ERI1: variants seen among roughly 807,000 people sequenced by gnomAD.
The protein encoded by ERI1 is exoribonuclease 1, also known as 3'-5' exoribonuclease 1.
A neutral mutation model predicts 39.7 loss-of-function variants in ERI1; 39 were observed. The ratio of observed to expected loss-of-function variants is 0.98; its 90% CI spans 0.76 to 1.28. ERI1 has a LOEUF of 1.28. ERI1 is among the 50% of genes most tolerant of loss of function. The probability of loss-of-function intolerance (pLI) is 0.00; values close to 1 mark genes in which losing one functional copy is unlikely to be tolerated. For missense variants in ERI1, 581 were observed against 416.9 expected (o/e 1.39, Z -3.43); for synonymous variants, 204 against 149.6 (o/e 1.36, Z -2.65).
intron 3 of ERI1, among the ~76,000 whole-genome samples, chr8:9,083,586 C>T (rs1297317969): frequency 6.6e-6 from 1 of 151,294 alleles, no homozygotes; most frequent in Non-Finnish European, 1.5e-5. Context: ...CTCACTTTGG[C>T]AGCACATATA....
At chr8:9,088,362 G>C (rs1290252400) in intron 3 of ERI1, 1 of 151,950 alleles carries the variant, frequency 6.6e-6, no homozygotes, top group Non-Finnish European at 1.5e-5. Context: ...GTTAAACATT[G>C]AACTATTTAA....
chr8:9,069,724 A>G (rs916118289), intron 3 of ERI1, among the ~76,000 whole-genome samples: 3 of 152,206 alleles, frequency 2.0e-5, no homozygotes, highest in Non-Finnish European at 4.4e-5. Context: ...AATCTGGAAT[A>G]AAAGTTGAAA....
At chr8:9,064,513 T>A (rs530161606) in intron 3 of ERI1, among the ~76,000 whole-genome samples, 1 of 151,546 alleles carries the variant, frequency 6.6e-6, no homozygotes, top group East Asian at 1.9e-4. Flanking sequence ...GTCTCCTTTG[T>A]CTCTACCAGA....
At chr8:9,090,078 C>T (rs761616057) in intron 3 of ERI1, among the ~76,000 whole-genome samples, 5 of 152,144 alleles carry the variant, frequency 3.3e-5, no homozygotes, top group African/African-American at 9.7e-5. Context: ...TGCACGTGTG[C>T]GGATGTGCAA....
Position 9,026,963 on chromosome 8 carries a change from C to T in ERI1, c.808-2829C>T, listed in dbSNP as rs976729219. 2.0e-5 allele frequency among the ~76,000 whole-genome samples: 3 copies of T among 152,074 alleles called. No homozygotes were observed. The East Asian group carries it at 5.8e-4, about 29-fold the overall frequency. Reference sequence around the variant, plus strand: ...TGAACATGGATGTACAGATACCATTCTTCTTCCTGTATAACCAGAATAGGA... The same window carrying T: ...TGAACATGGATGTACAGATACCATTTTTCTTCCTGTATAACCAGAATAGGA... On this transcript the variant is annotated intron_variant, in intron 6 of 6. Coordinates refer to ENST00000250263, the MANE Select transcript of ERI1 (RefSeq NM_153332.4).
At position 9,030,204 on chromosome 8, in the gene ERI1, C is replaced by T. The variant is rs960558892; in HGVS notation, c.*170C>T. 2.3e-6 allele frequency: 2 copies of T among 860,300 alleles called. No homozygotes were observed. Among genetic ancestry groups the T allele is most frequent in the Admixed American group, 2.9e-5 (1 of 34,590 alleles). 53.3% of individuals were successfully genotyped at this position (860,300 alleles called of 1,614,324 possible). On this transcript the variant is annotated 3_prime_UTR_variant, in exon 7 of 7. Transcript: ENST00000250263. ...TATGTGAACAGATTTTGTAGGAAGG[C>T]ATACTGAATTCTTTGTCACCAGCAC... is the stretch of plus-strand genomic sequence containing the variant.
chr8:9,016,355 A>G lies in ERI1; in HGVS notation c.532A>G (p.Ile178Val). ...GTTTCAGCAGTATGTAAGACCAGAG[A>G]TTAACACACAGCTGTCTGATTTCTG... Reference protein sequence around the residue: ...DTFQQYVRPEINTQLSDFCIS... With the variant: ...DTFQQYVRPEVNTQLSDFCIS... Residue 178 changes from isoleucine (I) to valine (V), a missense_variant, in exon 4 of 7, where the codon ATT (isoleucine) becomes GTT (valine). Ile to Val is a conservative substitution (Grantham distance 29). Transcript: ENST00000250263. 4 of 1,607,714 alleles carry G rather than the reference A, an allele frequency of 2.5e-6. No individual in the cohort carries two copies. Among genetic ancestry groups the G allele is most frequent in the South Asian group, 1.1e-5 (1 of 90,162 alleles).
intron 3 of ERI1, among the ~76,000 whole-genome samples, chr8:9,012,687 A>G (rs1816793505): frequency 6.6e-6 from 1 of 152,210 alleles, no homozygotes; most frequent in Non-Finnish European, 1.5e-5. Flanking sequence ...TTACTGTAGC[A>G]GTTCTCCCTC....
At chr8:9,091,145 T>C in intron 3 of ERI1, 1 of 152,308 alleles carries the variant, frequency 6.6e-6, no homozygotes. Flanking sequence ...CACCCAGAAA[T>C]TGCATTTTAT....
intron 3 of ERI1, among the ~76,000 whole-genome samples, chr8:9,080,398 C>G (rs1585291488): frequency 6.6e-6 from 1 of 152,190 alleles, no homozygotes; most frequent in Non-Finnish European, 1.5e-5. Flanking sequence ...AGTCTGCCCT[C>G]TGAGTGACAG....
intron 3 of ERI1, among the ~76,000 whole-genome samples, chr8:9,014,219 C>T (rs1466129928): frequency 6.6e-6 from 1 of 152,192 alleles, no homozygotes; most frequent in Non-Finnish European, 1.5e-5. Flanking sequence ...AAATGCCAGG[C>T]ATGCTTTATC....
chr8:9,074,851 G>T (rs917882086), intron 3 of ERI1, among the ~76,000 whole-genome samples: 4 of 152,224 alleles, frequency 2.6e-5, no homozygotes, highest in Non-Finnish European at 5.9e-5. Context: ...CTCTTAGGTT[G>T]TGAGTCCTTC....
At chr8:9,045,725 A>G (rs530936796) in intron 3 of ERI1, among the ~76,000 whole-genome samples, 9 of 148,062 alleles carry the variant, frequency 6.1e-5, no homozygotes, top group Non-Finnish European at 1.3e-4. Context: ...CACCCAGGCT[A>G]GAGGGCAGTG....
At chr8:9,060,927 G>T (rs547032369) in intron 3 of ERI1, among the ~76,000 whole-genome samples, 14 of 152,332 alleles carry the variant, frequency 9.2e-5, no homozygotes, top group Non-Finnish European at 1.9e-4. Flanking sequence ...AATGATGGAG[G>T]ACGCTTGCGT....
intron 3 of ERI1, among the ~76,000 whole-genome samples, chr8:9,051,149 A>AATATATATATGTATGTATATATGAATAT (rs1798342589): frequency 6.6e-6 from 1 of 151,510 alleles, no homozygotes; most frequent in Non-Finnish European, 1.5e-5. Context: ...GGTATATATG[A>AATATATATATGTATGTATATATGAATAT]ATATATATAT....
Position 9,048,200 on chromosome 8 carries a change from C to T in ERI1, n.299+27736C>T, listed in dbSNP as rs77658493. Among the ~76,000 whole-genome samples, 498 of 152,334 alleles carry T rather than the reference C, an allele frequency of 3.3e-3. 18 individuals carry two copies. In the East Asian group the frequency reaches 0.065, roughly 20 times the overall value. Reference sequence around the variant, plus strand: ...GAGTCATCAAGGAAGCTGCGACCAGCGCAGACGCTGGGCTGTCATCTCTGG... The same window carrying T: ...GAGTCATCAAGGAAGCTGCGACCAGTGCAGACGCTGGGCTGTCATCTCTGG... On this transcript the variant is annotated intron_variant and non_coding_transcript_variant, in intron 3 of 3. Coordinates refer to the ERI1 transcript ENST00000518663.
At chr8:9,089,489 A>G (rs1799638594) in intron 3 of ERI1, among the ~76,000 whole-genome samples, 1 of 152,214 alleles carries the variant, frequency 6.6e-6, no homozygotes. Flanking sequence ...AGTATGTTCC[A>G]TAGACCACTG....
chr8:9,017,231 C>A (rs191758021), intron 4 of ERI1, among the ~76,000 whole-genome samples: 2 of 151,710 alleles, frequency 1.3e-5, no homozygotes, highest in South Asian at 4.2e-4. Context: ...TTAGTAGAGA[C>A]GGGTTTCACT....
intron 3 of ERI1, among the ~76,000 whole-genome samples, chr8:9,094,500 C>A (rs1285132316): frequency 6.6e-6 from 1 of 152,188 alleles, no homozygotes; most frequent in Non-Finnish European, 1.5e-5. Flanking sequence ...GTTTGCTCTG[C>A]GCACAGGGTA....
Sources: allele counts gnomAD v4.1 joint callset (sites outside exome capture counted in the v4.1 genomes callset), GRCh38; gene constraint gnomAD v4.1.1; transcripts MANE v1.5; gene names NCBI Gene and HGNC (gene_info 2026-07-23, HGNC 2026-07-21).